EXD3: variants seen among roughly 807,000 people sequenced by gnomAD.
EXD3 encodes the protein exonuclease mut-7 homolog.
In EXD3, 92 loss-of-function variants were observed where a neutral mutation model predicts 98.0. The ratio of observed to expected loss-of-function variants is 0.94; its 90% confidence interval spans 0.79 to 1.12. EXD3 has a LOEUF of 1.12. Among genes scored for constraint, EXD3 ranks in the 50% most tolerant of loss-of-function variants. The pLI is 0.00. For synonymous variants in EXD3, 569 were observed against 526.0 expected, an observed-to-expected ratio of 1.08 and a Z score of -1.12; for missense variants, 1,222 against 1,191.6, an observed-to-expected ratio of 1.03 and a Z score of -0.38.
chr9:137,337,477 C>T (rs1833415178), intron 17 of EXD3, among the ~76,000 whole-genome samples: 1 of 151,918 alleles, frequency 6.6e-6, no homozygotes, highest in Admixed American at 6.6e-5. Flanking sequence ...ATGGTGAAAC[C>T]CTATCTCTAC....
chr9:137,337,616 A>G (rs184548609), intron 17 of EXD3, among the ~76,000 whole-genome samples: 4 of 151,440 alleles, frequency 2.6e-5, no homozygotes, highest in Non-Finnish European at 4.4e-5. Flanking sequence ...TCGCCACTGC[A>G]CTCCAGCCTG....
chr9:137,400,045 A>AAAAAAG (rs1564209842), intron 1 of EXD3, among the ~76,000 whole-genome samples: 1 of 149,800 alleles, frequency 6.7e-6, no homozygotes, highest in African/African-American at 2.5e-5. Context: ...AAAAAAAAAA[A>AAAAAAG]AAAGAAAATG....
intron 1 of EXD3, among the ~76,000 whole-genome samples, chr9:137,413,253 T>A (rs932443512): frequency 1.3e-5 from 2 of 152,052 alleles, no homozygotes; most frequent in East Asian, 1.9e-4. Flanking sequence ...CAGGCTGGAG[T>A]GCAGTGGCGT....
chr9:137,352,896 C>A, intron 10 of EXD3, 110 bp from the exon 11 acceptor site: 1 of 1,451,560 alleles, frequency 6.9e-7, no homozygotes, highest in Non-Finnish European at 9.0e-7. Flanking sequence ...TATGAGCACT[C>A]GGGGAGGAGG....
chr9:137,420,029 A>G (rs560728829), intron 1 of EXD3, among the ~76,000 whole-genome samples: 65 of 151,654 alleles, frequency 4.3e-4, no homozygotes, highest in African/African-American at 1.1e-3. Flanking sequence ...GCATGGTGGC[A>G]GGTGCCTGTA....
intron 1 of EXD3, among the ~76,000 whole-genome samples, chr9:137,410,709 C>T (rs1837953121): frequency 6.6e-6 from 1 of 152,112 alleles, no homozygotes; most frequent in Non-Finnish European, 1.5e-5. Flanking sequence ...AACGAGGAAG[C>T]CCCCCTGGGG....
At chr9:137,329,318 GACTACACGGGA>G (rs1463553044) in intron 17 of EXD3, among the ~76,000 whole-genome samples, 2 of 26,596 alleles carry the variant, frequency 7.5e-5, no homozygotes, top group Non-Finnish European at 1.2e-4. Flanking sequence ...GGCTACACGG[GACTACACGGGA>G]GCTACACGGG....
Position 137,403,393 on chromosome 9 carries a change from G to A in EXD3, c.-47-7989C>T, listed in dbSNP as rs904356629. Among the ~76,000 whole-genome samples, 6 of 151,928 alleles carry A rather than the reference G, an allele frequency of 3.9e-5. No homozygotes were observed. The highest frequency in any genetic ancestry group is 3.9e-4 in the East Asian group (2 of 5,152). ...GCACAGGCAGGGAGCTGCAGACCCCGTTCCTCTGTAGCCCTCCCCACCCCC... is the reference window on the plus strand; with the variant it reads ...GCACAGGCAGGGAGCTGCAGACCCCATTCCTCTGTAGCCCTCCCCACCCCC... On this transcript the variant is annotated intron_variant, in intron 1 of 21. Coordinates refer to ENST00000340951, the MANE Select transcript of EXD3 (RefSeq NM_017820.5). This position sits in a 1 kb window ranked among gnomAD's most constrained non-coding sequence, Gnocchi z 6.1.
chr9:137,357,383 G>A (rs1272226562), intron 7 of EXD3: 8 of 152,056 alleles, frequency 5.3e-5, no homozygotes, highest in African/African-American at 1.9e-4. Flanking sequence ...TTGTATGTTG[G>A]ACCTTCTTGA....
At chr9:137,341,050 T>C (rs775778820) in intron 17 of EXD3, among the ~76,000 whole-genome samples, 1 of 152,170 alleles carries the variant, frequency 6.6e-6, no homozygotes, top group Middle Eastern at 3.2e-3. Flanking sequence ...GCAGGGTGGC[T>C]CACACCTGTA....
chr9:137,323,873 CG>C lies in EXD3; in HGVS notation c.2053-18del. 1 of 1,600,818 alleles carries C rather than the reference CG, an allele frequency of 6.2e-7. No homozygotes were observed. Among genetic ancestry groups the C allele is most frequent in the Admixed American group, 1.7e-5 (1 of 57,580 alleles). ...GGCCCGGAGCTGCAAAGACACGGCT[CG>C]GCTACTGAGGGGCAGTGCAGAGCCC... On this transcript the variant is annotated intron_variant, in intron 18 of 21. Coordinates refer to ENST00000340951, the MANE Select transcript of EXD3 (RefSeq NM_017820.5).
chr9:137,373,151 T>G (rs375554066), intron 4 of EXD3, 79 bp from the exon 5 acceptor site: 1 of 1,469,188 alleles, frequency 6.8e-7, no homozygotes. Flanking sequence ...CAGGCCTGGC[T>G]TAGGAAGCAG....
intron 17 of EXD3, among the ~76,000 whole-genome samples, chr9:137,332,871 C>T (rs1833161106): frequency 6.6e-6 from 1 of 152,064 alleles, no homozygotes; most frequent in Non-Finnish European, 1.5e-5. Context: ...AATCTGGAGG[C>T]ATCACATTAC....
chr9:137,411,645 A>G (rs1318026179), intron 1 of EXD3, among the ~76,000 whole-genome samples: 4 of 148,294 alleles, frequency 2.7e-5, no homozygotes, highest in African/African-American at 9.9e-5. Flanking sequence ...TCGGTGCCAC[A>G]GCACCACCAG....
At chr9:137,355,341 G>A (rs951119836) in intron 8 of EXD3, among the ~76,000 whole-genome samples, 7 of 151,892 alleles carry the variant, frequency 4.6e-5, no homozygotes, top group East Asian at 3.9e-4. Flanking sequence ...GCGGGGTGCC[G>A]ACCTTTCAGG....
chr9:137,356,419 T>G (rs540776411), intron 7 of EXD3, 51 bp from the exon 8 acceptor site: 1 of 1,205,062 alleles, frequency 8.3e-7, no homozygotes, highest in South Asian at 1.3e-5. Flanking sequence ...GTTAATACAT[T>G]TTAAGATTTT....
chr9:137,417,517 G>A (rs1323672139), intron 1 of EXD3, among the ~76,000 whole-genome samples: 1 of 152,116 alleles, frequency 6.6e-6, no homozygotes, highest in South Asian at 2.1e-4. Context: ...TCGGAAAGTC[G>A]AACACAGCGA....
At chr9:137,368,086 T>C in intron 5 of EXD3, 97 bp from the exon 6 acceptor site, 1 of 1,013,400 alleles carries the variant, frequency 9.9e-7, no homozygotes. Context: ...CAGCACCTGG[T>C]CACTGAGGCC....
Position 137,349,201 on chromosome 9 carries a change from G to A in EXD3, c.1739C>T (p.Ala580Val). ...TCTGTGCCTGGGCCTCCGGCTCCCA[G>A]CCAGGTCCTCCGACAGGTGGAAGCG... ...PARFHLSEDLAGSRRPRHRER... is the reference protein window; with the variant it reads ...PARFHLSEDLVGSRRPRHRER... Residue 580 changes from alanine to valine, a missense_variant, in exon 16 of 22, where the codon GCT becomes GTT. Ala to Val is a moderately conservative substitution (Grantham distance 64). Transcript: ENST00000340951. This position sits in a 1 kb window ranked among gnomAD's most constrained non-coding sequence, Gnocchi z 7.4. 1 of 1,585,580 alleles carries A rather than the reference G, an allele frequency of 6.3e-7. No individual in the cohort carries two copies. The highest frequency in any genetic ancestry group is 1.8e-5 in the Admixed American group (1 of 56,754).
Sources: gnomAD v4.1 joint callset for allele counts (sites outside exome capture counted in the v4.1 genomes callset) on GRCh38, gnomAD v4.1.1 for gene constraint, Gnocchi (gnomAD v3.1) non-coding constraint, MANE v1.5 for transcripts, NCBI Gene and HGNC (gene_info 2026-07-23, HGNC 2026-07-21) for gene names.